The following ENTREP1 variants were observed in gnomAD, a reference collection of about 807,000 sequenced individuals.
ENTREP1 encodes the protein endosomal transmembrane epsin interactor 1, also known as Friedreich ataxia region gene X123.
chr9:69,332,148 A>G, the ENTREP1 span, among the ~76,000 whole-genome samples: 16 of 152,280 alleles, frequency 1.1e-4, no homozygotes, highest in Admixed American at 2.0e-4. Context: ...ATCCAGGCCT[A>G]CTTCCTCTAT....
chr9:69,378,419 G>T, the ENTREP1 span, among the ~76,000 whole-genome samples: 1 of 152,034 alleles, frequency 6.6e-6, no homozygotes, highest in African/African-American at 2.4e-5. Context: ...GTGAAATGCC[G>T]CATACATCTG....
At chr9:69,346,038 G>C in the ENTREP1 span, among the ~76,000 whole-genome samples, 1 of 151,662 alleles carries the variant, frequency 6.6e-6, no homozygotes, top group Non-Finnish European at 1.5e-5. Context: ...CTGGAGTGCA[G>C]TGGTGGCGAT....
the ENTREP1 span, chr9:69,324,672 C>T: frequency 1.7e-5 from 17 of 984,318 alleles, no homozygotes; most frequent in Non-Finnish European, 2.1e-5. Flanking sequence ...CTGCGCTCGG[C>T]GTCGTCCTTC....
chr9:69,324,807 C>G, the ENTREP1 span: 2 of 985,236 alleles, frequency 2.0e-6, no homozygotes, highest in African/African-American at 3.5e-5. Context: ...CAGGGCCTCT[C>G]TCGTGGCTGG....
the ENTREP1 span, among the ~76,000 whole-genome samples, chr9:69,330,007 G>T: frequency 4.9e-5 from 1 of 20,278 alleles, no homozygotes; most frequent in Admixed American, 4.3e-4. Context: ...AGTTAACTAG[G>T]TTCCACTGGG....
chr9:69,377,528 G>GGA, the ENTREP1 span: 1 of 1,608,080 alleles, frequency 6.2e-7, no homozygotes, highest in Non-Finnish European at 8.5e-7. Flanking sequence ...GCCAGCCCAT[G>GGA]GACCCCTTCG....
chr9:69,373,029 TA>T, the ENTREP1 span, among the ~76,000 whole-genome samples: 366 of 30,100 alleles, frequency 0.012, 1 homozygote, highest in Middle Eastern at 0.026. Context: ...AAAATTGAGT[TA>T]TTTTTTTTTT....
chr9:69,352,804 T>G, the ENTREP1 span, among the ~76,000 whole-genome samples: 1 of 152,124 alleles, frequency 6.6e-6, no homozygotes, highest in Non-Finnish European at 1.5e-5. Flanking sequence ...TAGTGTGTGC[T>G]TGAGAGAAAC....
At chr9:69,391,254 G>A in the ENTREP1 span, among the ~76,000 whole-genome samples, 9 of 152,220 alleles carry the variant, frequency 5.9e-5, no homozygotes, top group East Asian at 7.7e-4. Context: ...GACAATACCC[G>A]TCCCTCCCTG....
the ENTREP1 span, among the ~76,000 whole-genome samples, chr9:69,373,712 C>T: frequency 6.6e-6 from 1 of 152,052 alleles, no homozygotes; most frequent in Non-Finnish European, 1.5e-5. Context: ...GAGTAGGTTC[C>T]CAGGACAAGG....
the ENTREP1 span, among the ~76,000 whole-genome samples, chr9:69,378,189 T>C: frequency 6.6e-6 from 1 of 152,212 alleles, no homozygotes; most frequent in Non-Finnish European, 1.5e-5. Flanking sequence ...AGAGTCGCTG[T>C]TGCCTTGGAA....
At chr9:69,362,575 A>G in the ENTREP1 span, among the ~76,000 whole-genome samples, 147,782 of 152,322 alleles carry the variant, frequency 0.97, 71,733 homozygotes, top group East Asian at 1. Context: ...CAAAATATAA[A>G]AAAAGCATAG....
At chr9:69,332,936 G>A in the ENTREP1 span, among the ~76,000 whole-genome samples, 3 of 152,130 alleles carry the variant, frequency 2.0e-5, no homozygotes, top group Non-Finnish European at 2.9e-5. Flanking sequence ...GATTGAATAC[G>A]TTAAGTACAG....
chr9:69,335,023 G>A, the ENTREP1 span, among the ~76,000 whole-genome samples: 15 of 152,102 alleles, frequency 9.9e-5, no homozygotes, highest in African/African-American at 3.4e-4. Flanking sequence ...GCCTCCCAAA[G>A]TGCTGGGAGT....
the ENTREP1 span, chr9:69,325,071 G>A: frequency 3.6e-5 from 35 of 985,288 alleles, no homozygotes; most frequent in Non-Finnish European, 4.1e-5. Context: ...GAGAGTGAGG[G>A]TGCGCCCAGG....
the ENTREP1 span, among the ~76,000 whole-genome samples, chr9:69,365,366 A>G: frequency 1.3e-5 from 2 of 152,178 alleles, no homozygotes; most frequent in African/African-American, 2.4e-5. Flanking sequence ...ATTTCACTCA[A>G]TGCAGTTTTA....
At chr9:69,369,649 A>G in the ENTREP1 span, among the ~76,000 whole-genome samples, 22 of 148,948 alleles carry the variant, frequency 1.5e-4, no homozygotes, top group Non-Finnish European at 3.1e-4. Context: ...GTGCCACCTT[A>G]TACTTGCACA....
At chr9:69,380,048 C>T in the ENTREP1 span, 1 of 152,194 alleles carries the variant, frequency 6.6e-6, no homozygotes, top group East Asian at 1.9e-4. Context: ...GGGCTTTATC[C>T]TTCAAAACTT....
At chr9:69,333,318 A>T in the ENTREP1 span, among the ~76,000 whole-genome samples, 27 of 148,492 alleles carry the variant, frequency 1.8e-4, no homozygotes, top group South Asian at 4.3e-4. Flanking sequence ...TAATATTATT[A>T]TTTTTTTTTT....
Sources: allele counts gnomAD v4.1 joint callset (sites outside exome capture counted in the v4.1 genomes callset), GRCh38; gene constraint gnomAD v4.1.1; transcripts MANE v1.5; gene names NCBI Gene and HGNC (gene_info 2026-07-23, HGNC 2026-07-21).